Variants in UVRAG observed in about 807,000 individuals in gnomAD.
The protein encoded by UVRAG is UV radiation resistance-associated gene protein.
UVRAG carries 19 observed loss-of-function variants against 78.0 expected under a neutral mutation model. That is an observed-to-expected ratio of 0.24 (90% CI 0.17 to 0.36). The LOEUF (loss-of-function observed/expected upper bound fraction) is 0.36, where lower values mean the gene tolerates loss of function less well. UVRAG is among the 10% of genes least tolerant of loss of function. The pLI is 1.00. For missense variants in UVRAG, 740 were observed against 853.8 expected, an observed-to-expected ratio of 0.87 and a Z score of 1.66; for synonymous variants, 323 against 324.6, an observed-to-expected ratio of 1.00 and a Z score of 0.05.
chr11:75,993,244 G>A (rs1949646149), intron 8 of UVRAG, among the ~76,000 whole-genome samples: 1 of 152,060 alleles, frequency 6.6e-6, no homozygotes, highest in South Asian at 2.1e-4. Context: ...TGATTTATTG[G>A]AAAGTGCCAA....
At chr11:76,056,515 A>G (rs1459585768) in intron 12 of UVRAG, among the ~76,000 whole-genome samples, 1 of 152,178 alleles carries the variant, frequency 6.6e-6, no homozygotes, top group Non-Finnish European at 1.5e-5. Flanking sequence ...GTCTCTTTTA[A>G]TCTGAAGGTT....
At chr11:75,849,745 A>G (rs1038033809) in intron 1 of UVRAG, among the ~76,000 whole-genome samples, 22 of 152,258 alleles carry the variant, frequency 1.4e-4, no homozygotes, top group African/African-American at 4.8e-4. Context: ...TAGTAGAGAT[A>G]GAAGCAAAGT....
intron 6 of UVRAG, among the ~76,000 whole-genome samples, chr11:75,920,173 G>C (rs1171343965): frequency 6.6e-6 from 1 of 151,478 alleles, no homozygotes; most frequent in Non-Finnish European, 1.5e-5. Context: ...CTACAGGCAC[G>C]TGCCACCACG....
chr11:75,864,361 A>G (rs1176076989), intron 3 of UVRAG, among the ~76,000 whole-genome samples: 2 of 152,088 alleles, frequency 1.3e-5, no homozygotes, highest in Non-Finnish European at 2.9e-5. Flanking sequence ...CAGCCTAATT[A>G]ACTCTTTCTT....
intron 6 of UVRAG, among the ~76,000 whole-genome samples, chr11:75,942,938 A>G (rs1277437541): frequency 2.0e-5 from 3 of 152,050 alleles, no homozygotes; most frequent in African/African-American, 7.2e-5. Flanking sequence ...GTGTGCACCT[A>G]TAGTCCCAGC....
intron 5 of UVRAG, among the ~76,000 whole-genome samples, chr11:75,891,359 G>A (rs1590982418): frequency 6.6e-6 from 1 of 152,070 alleles, no homozygotes; most frequent in South Asian, 2.1e-4. Flanking sequence ...TCATGTACAG[G>A]GTTAGCTGTT....
chr11:76,001,838 A>T (rs1197100432), intron 8 of UVRAG, among the ~76,000 whole-genome samples: 1 of 152,194 alleles, frequency 6.6e-6, no homozygotes, highest in East Asian at 1.9e-4. Flanking sequence ...AATAGAGAAG[A>T]TGGGGGGGCT....
chr11:75,845,298 GC>G (rs1946009948), intron 1 of UVRAG, among the ~76,000 whole-genome samples: 2 of 152,348 alleles, frequency 1.3e-5, no homozygotes, highest in South Asian at 4.1e-4. Context: ...GCCACCTGAA[GC>G]TACCACTGTA....
intron 11 of UVRAG, among the ~76,000 whole-genome samples, chr11:76,014,673 A>G (rs558169238): frequency 6.6e-6 from 1 of 152,318 alleles, no homozygotes; most frequent in South Asian, 2.1e-4. Context: ...CAGTTACTTC[A>G]TCACTCATAG....
chr11:76,009,245 A>T (rs1458112886), intron 11 of UVRAG, among the ~76,000 whole-genome samples: 1 of 152,174 alleles, frequency 6.6e-6, no homozygotes. Context: ...TTAGAAAGTC[A>T]TATTACTGCT....
intron 1 of UVRAG, among the ~76,000 whole-genome samples, chr11:75,825,000 T>C (rs1290008423): frequency 6.6e-6 from 1 of 152,008 alleles, no homozygotes; most frequent in Non-Finnish European, 1.5e-5. Flanking sequence ...CGTACTGGAA[T>C]GTGTACAGCT....
intron 13 of UVRAG, among the ~76,000 whole-genome samples, chr11:76,087,377 T>C (rs182270392): frequency 1.2e-4 from 19 of 152,356 alleles, no homozygotes; most frequent in Admixed American, 5.9e-4. Flanking sequence ...CCTTAGAGAC[T>C]CTGACTAATT....
At chr11:76,056,453 T>G (rs1270568894) in intron 12 of UVRAG, among the ~76,000 whole-genome samples, 1 of 152,244 alleles carries the variant, frequency 6.6e-6, no homozygotes, top group African/African-American at 2.4e-5. Context: ...TAATGTACAT[T>G]TTATACTCCC....
chr11:76,030,444 C>T (rs768942778), intron 12 of UVRAG, among the ~76,000 whole-genome samples: 4 of 152,262 alleles, frequency 2.6e-5, no homozygotes, highest in Middle Eastern at 3.4e-3. Flanking sequence ...TAAGTAGTCA[C>T]GTAAGCATGT....
At chr11:75,891,642 C>T (rs546547262) in intron 5 of UVRAG, among the ~76,000 whole-genome samples, 1 of 152,274 alleles carries the variant, frequency 6.6e-6, no homozygotes, top group South Asian at 2.1e-4. Flanking sequence ...AGGTGATAGT[C>T]TGTAATCCCA....
At chr11:76,028,620 G>GA (rs1950376357) in intron 12 of UVRAG, among the ~76,000 whole-genome samples, 1 of 152,092 alleles carries the variant, frequency 6.6e-6, no homozygotes, top group Non-Finnish European at 1.5e-5. Context: ...TAGTGGTCTG[G>GA]ATAAAAAAGT....
chr11:75,851,838 G>C, intron 1 of UVRAG, 45 bp from the exon 2 acceptor site: 1 of 1,491,010 alleles, frequency 6.7e-7, no homozygotes, highest in Non-Finnish European at 9.2e-7. Flanking sequence ...AATTTTATAG[G>C]AGGAAAAATC....
chr11:75,875,418 T>C (rs76539852), intron 3 of UVRAG, among the ~76,000 whole-genome samples: 10,343 of 152,076 alleles, frequency 0.068, 501 homozygotes, highest in African/African-American at 0.14. Context: ...TGTTCTGATA[T>C]GGTTTTATTT....
At chr11:76,049,029 A>G (rs501090) in intron 12 of UVRAG, among the ~76,000 whole-genome samples, 6,317 of 152,344 alleles carry the variant, frequency 0.041, 170 homozygotes, top group Middle Eastern at 0.078. Flanking sequence ...AATCATAGCC[A>G]TGTAGACACA....
Sources: allele counts gnomAD v4.1 joint callset (sites outside exome capture counted in the v4.1 genomes callset), GRCh38; gene constraint gnomAD v4.1.1; transcripts MANE v1.5; gene names NCBI Gene and HGNC (gene_info 2026-07-23, HGNC 2026-07-21).